The following COL27A1 variants were observed in gnomAD, a reference collection of about 807,000 sequenced individuals.
COL27A1 encodes collagen type XXVII alpha 1 chain.
COL27A1 carries 106 observed loss-of-function variants against 251.3 expected under a neutral mutation model. The ratio of observed to expected loss-of-function variants is 0.42; its 90% CI spans 0.36 to 0.50. The LOEUF (loss-of-function observed/expected upper bound fraction) is 0.50. Ranked by LOEUF, COL27A1 falls within the 20% of genes least tolerant of loss-of-function variation. COL27A1 has a pLI of 0.00. For synonymous variants in COL27A1, 1,000 were observed against 986.3 expected, an observed-to-expected ratio of 1.01 and a Z score of -0.26; for missense variants, 2,325 against 2,522.8, an observed-to-expected ratio of 0.92 and a Z score of 1.68.
At chr9:114,216,898 G>A (rs934933472) in intron 12 of COL27A1, among the ~76,000 whole-genome samples, 15 of 152,158 alleles carry the variant, frequency 9.9e-5, no homozygotes, top group African/African-American at 3.6e-4. Flanking sequence ...CCCTCGGAGA[G>A]CCTGTAGGCT....
chr9:114,172,511 A>G (rs1849390328), intron 3 of COL27A1, among the ~76,000 whole-genome samples: 1 of 152,168 alleles, frequency 6.6e-6, no homozygotes, highest in Non-Finnish European at 1.5e-5. Flanking sequence ...TTTGCATATA[A>G]AGCTGTAGTA....
intron 49 of COL27A1, among the ~76,000 whole-genome samples, chr9:114,299,508 C>G (rs1828471199): frequency 6.6e-6 from 1 of 152,212 alleles, no homozygotes; most frequent in South Asian, 2.1e-4. Context: ...ATCGTTCACA[C>G]TGGGTTTGAA....
chr9:114,240,495 T>A lies in COL27A1; in HGVS notation c.2835+8T>A. 6 of 1,607,712 alleles carry A rather than the reference T, an allele frequency of 3.7e-6. No individual in the cohort carries two copies. Among genetic ancestry groups the A allele is most frequent in the Non-Finnish European group, 5.1e-6 (6 of 1,179,218 alleles). On this transcript the variant is annotated splice_region_variant and intron_variant, in intron 21 of 60. Transcript: ENST00000356083. ...GGGCAGCTGGGGCCCGAGGTGAGAC[T>A]GTCTGGCCCCCTCCACTGCCCATCC...
intron 4 of COL27A1, among the ~76,000 whole-genome samples, chr9:114,182,675 C>T (rs1037953272): frequency 2.6e-5 from 4 of 152,144 alleles, no homozygotes; most frequent in Admixed American, 6.5e-5. Context: ...ACTTGTGCTC[C>T]GAGGTCAAGG....
chr9:114,275,817 ACT>A (rs201395474), intron 37 of COL27A1, 49 bp downstream of exon 37: 18,586 of 1,272,242 alleles, frequency 0.015, 188 homozygotes, highest in Non-Finnish European at 0.018. Context: ...GGTACCCTGA[ACT>A]CTCATGCCTG....
Position 114,237,149 on chromosome 9 carries a change from G to A in COL27A1, c.2673+115G>A, listed in dbSNP as rs1832455351. 5 of 1,030,916 alleles carry A rather than the reference G, an allele frequency of 4.9e-6. No homozygotes were observed. In the Admixed American group the frequency reaches 8.2e-5, roughly 17 times the overall value. The allele number at this position is 1,030,916 out of a possible 1,614,324, so 63.9% of individuals were successfully genotyped here. On this transcript the variant is annotated intron_variant, in intron 18 of 60. Coordinates refer to ENST00000356083, the MANE Select transcript of COL27A1 (RefSeq NM_032888.4). ...CATTTCCTCCTGCAGCAGAGCTCCT[G>A]GGGGCAAGCAGGGCAGGGCAGGAAT...
In COL27A1 at chr9:114,307,740, G is replaced by T. The variant is rs1388775839; in HGVS notation, c.5179G>T (p.Gly1727Cys). Residue 1727 changes from glycine to cysteine, a missense_variant, in exon 59 of 61, where the codon GGT (glycine) becomes TGT (cysteine). Gly to Cys is a radical substitution (Grantham distance 159). Around this residue, in one of 4 missense-constraint regions of COL27A1, gnomAD observed 327 missense variants for 442.8 expected, o/e 0.74. Transcript: ENST00000356083. The part of the protein sequence containing the change: ...TIEVSCNFTH[G>C]GQTCLKPITA... ...CGAGGTCTCCTGCAACTTCACTCATGGTGGACAGACGTGTCTCAAGCCCAT... is the reference window on the plus strand; with the variant it reads ...CGAGGTCTCCTGCAACTTCACTCATTGTGGACAGACGTGTCTCAAGCCCAT... 5.6e-6 allele frequency: 9 copies of T among 1,614,134 alleles called. No homozygotes were observed. The highest frequency in any genetic ancestry group is 7.6e-6 in the Non-Finnish European group (9 of 1,179,998).
rs193109925 is a variant in COL27A1, at chr9:114,252,922, C to G, written c.3131C>G (p.Pro1044Arg). Residue 1044 changes from proline to arginine, a missense_variant, in exon 27 of 61, where the codon CCT becomes CGT. Physicochemically the swap from Pro to Arg is moderately radical, Grantham distance 103. Coordinates refer to ENST00000356083, the MANE Select transcript of COL27A1 (RefSeq NM_032888.4). Reference protein sequence around the residue: ...MPGGMGTPGEPGPQGPPGSRG... With the variant: ...MPGGMGTPGERGPQGPPGSRG... ...GGTGGTATGGGGACCCCTGGAGAGC[C>G]TGGACCCCAGGTAAGCAAAGCCCTC... The G allele has an allele frequency of 2.9e-5, 46 of 1,613,086 alleles. No individual in the cohort carries two copies. The highest frequency in any genetic ancestry group is 3.6e-5 in the Non-Finnish European group (43 of 1,179,412).
chr9:114,162,383 C>G (rs927894451), intron 1 of COL27A1, among the ~76,000 whole-genome samples: 2 of 152,238 alleles, frequency 1.3e-5, no homozygotes, highest in Non-Finnish European at 2.9e-5. Context: ...GAGTCAGCAT[C>G]AGATTTTGAG....
rs774657818 is a variant in COL27A1 at position 114,250,605 on chromosome 9, T to C, written c.2980-10T>C. 1 of 1,611,108 alleles carries C rather than the reference T, an allele frequency of 6.2e-7. No individual in the cohort carries two copies. Among genetic ancestry groups the C allele is most frequent in the South Asian group, 1.1e-5 (1 of 91,024 alleles). The stretch of plus-strand genomic sequence containing the variant: ...GTTGTTTCTCTTGCTTTCGGGAATG[T>C]GTCTCATAGGGATTTATGGGATTCA... On this transcript the variant is annotated splice_polypyrimidine_tract_variant and intron_variant, in intron 24 of 60. Transcript: ENST00000356083.
intron 45 of COL27A1, among the ~76,000 whole-genome samples, chr9:114,289,651 G>A (rs1159435441): frequency 6.6e-6 from 1 of 152,132 alleles, no homozygotes; most frequent in African/African-American, 2.4e-5. Flanking sequence ...GCTTGAGCAG[G>A]AGCCACTTCC....
chr9:114,273,045 C>T (rs1835249081), intron 36 of COL27A1: 1 of 152,210 alleles, frequency 6.6e-6, no homozygotes, highest in South Asian at 2.1e-4. Flanking sequence ...TCTCTAGGAA[C>T]CCCCAGAGAC....
chr9:114,302,435 A>G (rs1828713163), intron 56 of COL27A1, among the ~76,000 whole-genome samples: 1 of 152,166 alleles, frequency 6.6e-6, no homozygotes, highest in Non-Finnish European at 1.5e-5. Flanking sequence ...CTGAATCCAA[A>G]GAGAGTTGGG....
rs16928063 is a variant in COL27A1 at position 114,311,772 on chromosome 9, G to A, written c.*1077G>A. The A allele has an allele frequency of 0.017, 2,641 of 152,340 alleles. 96 individuals carry two copies. The highest frequency in any genetic ancestry group is 0.094 in the Admixed American group (1,432 of 15,296). The allele number at this position is 152,340 out of a possible 1,614,324, so 9.4% of individuals were successfully genotyped here. A position where few individuals can be genotyped will look rare whatever the true frequency, so the allele number is the denominator to read the frequency against. On this transcript the variant is annotated 3_prime_UTR_variant, in exon 61 of 61. Transcript: ENST00000356083. ...CTGGAGAGGTCTTGGGTGAAAACTT[G>A]ACCTTGAAGAAACCAATCACAAAAG...
At chr9:114,219,708 C>T (rs1830946279) in intron 12 of COL27A1, 83 bp from the exon 13 acceptor site, 6 of 952,332 alleles carry the variant, frequency 6.3e-6, no homozygotes, top group African/African-American at 4.9e-5. Context: ...GTCCTTGTGT[C>T]CCCCCTGGGG....
chr9:114,240,195 G>T, intron 19 of COL27A1, 25 bp from the exon 20 acceptor site: 1 of 1,609,256 alleles, frequency 6.2e-7, no homozygotes, highest in South Asian at 1.1e-5. Context: ...CCCCGTGGGT[G>T]ACCCTGCTCT....
intron 49 of COL27A1, among the ~76,000 whole-genome samples, chr9:114,295,309 GAT>G (rs1444231300): frequency 6.6e-6 from 1 of 152,176 alleles, no homozygotes; most frequent in African/African-American, 2.4e-5. Context: ...AATAAATGGA[GAT>G]ATATACTGTG....
chr9:114,225,908 C>G (rs1325757318), intron 14 of COL27A1, among the ~76,000 whole-genome samples: 1 of 152,128 alleles, frequency 6.6e-6, no homozygotes, highest in African/African-American at 2.4e-5. Flanking sequence ...CTGGGGAGGC[C>G]TTGCGAAGCC....
intron 51 of COL27A1, 130 bp from the exon 52 acceptor site, chr9:114,300,942 T>A: frequency 1.1e-6 from 1 of 931,104 alleles, no homozygotes; most frequent in Non-Finnish European, 1.6e-6. Context: ...AGGAGATGCA[T>A]GGCCTGGGCC....
Sources: allele counts gnomAD v4.1 joint callset (sites outside exome capture counted in the v4.1 genomes callset), GRCh38; gene constraint gnomAD v4.1.1; regional missense constraint gnomAD v4.1.1; transcripts MANE v1.5; gene names NCBI Gene and HGNC (gene_info 2026-07-23, HGNC 2026-07-21).